Variants in NELL1 observed in about 807,000 individuals in gnomAD.
The protein encoded by NELL1 is protein kinase C-binding protein NELL1.
NELL1 carries 76 observed loss-of-function variants against 107.4 expected under a neutral mutation model. The ratio of observed to expected loss-of-function variants is 0.71; its 90% CI spans 0.59 to 0.86. NELL1 has a LOEUF of 0.86. Among genes scored for constraint, NELL1 ranks in the 40% least tolerant of loss-of-function variants. NELL1 has a pLI of 0.00. For missense variants in NELL1, 1,024 were observed against 1,005.5 expected (o/e 1.02, Z -0.25); for synonymous variants, 353 against 341.2 (o/e 1.03, Z -0.38).
At chr11:21,255,762 G>T (rs975482952) in intron 14 of NELL1, among the ~76,000 whole-genome samples, 2 of 151,860 alleles carry the variant, frequency 1.3e-5, no homozygotes, top group East Asian at 1.9e-4. Flanking sequence ...ATTCATTCAG[G>T]TCTCATTAGC....
At chr11:20,707,469 T>C (rs1340722792) in intron 2 of NELL1, among the ~76,000 whole-genome samples, 1 of 152,252 alleles carries the variant, frequency 6.6e-6, no homozygotes, top group Non-Finnish European at 1.5e-5. Flanking sequence ...TTTTCAGCTT[T>C]CCTTCTCTGG....
intron 14 of NELL1, among the ~76,000 whole-genome samples, chr11:21,288,104 GAGGAAGGAAGGAAGGGAAGGAATGAA>G (rs1849167770): frequency 6.6e-6 from 1 of 151,126 alleles, no homozygotes; most frequent in African/African-American, 2.4e-5. Context: ...GGGAAGGAAA[GAGGAAGGAAGGAAGGGAAGGAATGAA>G]AGGAAGGAAG....
At chr11:20,963,578 A>G (rs1192911680) in intron 12 of NELL1, among the ~76,000 whole-genome samples, 1 of 152,178 alleles carries the variant, frequency 6.6e-6, no homozygotes, top group Non-Finnish European at 1.5e-5. Context: ...ATGGTCATGC[A>G]GGCCATTTCC....
intron 12 of NELL1, among the ~76,000 whole-genome samples, chr11:21,011,513 T>A (rs1359578736): frequency 1.3e-5 from 2 of 152,074 alleles, no homozygotes; most frequent in Non-Finnish European, 2.9e-5. Flanking sequence ...CCTTTATACC[T>A]CCACCCGGCT....
intron 15 of NELL1, among the ~76,000 whole-genome samples, chr11:21,518,446 A>G (rs949248613): frequency 3.3e-5 from 5 of 152,218 alleles, no homozygotes; most frequent in African/African-American, 4.8e-5. Flanking sequence ...TAATATGAAT[A>G]ATGCAGACTA....
intron 14 of NELL1, among the ~76,000 whole-genome samples, chr11:21,356,854 C>G (rs1565184933): frequency 6.6e-6 from 1 of 152,070 alleles, no homozygotes; most frequent in Non-Finnish European, 1.5e-5. Flanking sequence ...ATTCTTAGGC[C>G]TTTCTGTCCT....
chr11:21,039,695 G>A (rs1345849570), intron 12 of NELL1, among the ~76,000 whole-genome samples: 2 of 152,156 alleles, frequency 1.3e-5, no homozygotes, highest in African/African-American at 2.4e-5. Context: ...ACAAAAAGGT[G>A]CAATAATATG....
chr11:20,943,945 T>C (rs1004176943), intron 10 of NELL1, among the ~76,000 whole-genome samples: 1 of 152,208 alleles, frequency 6.6e-6, no homozygotes, highest in African/African-American at 2.4e-5. Flanking sequence ...TAAAAGGCCA[T>C]GGAAGAGCTT....
At chr11:21,463,014 T>G (rs1452791692) in intron 15 of NELL1, among the ~76,000 whole-genome samples, 2 of 151,942 alleles carry the variant, frequency 1.3e-5, no homozygotes, top group Non-Finnish European at 2.9e-5. Flanking sequence ...TCAAAATAGG[T>G]TCCTTGAAAT....
chr11:21,050,276 C>G, intron 12 of NELL1, among the ~76,000 whole-genome samples: 1 of 133,904 alleles, frequency 7.5e-6, no homozygotes, highest in African/African-American at 3.2e-5. Context: ...TCCCCGCCCC[C>G]CACTTTTTTT....
chr11:21,169,606 T>C, intron 13 of NELL1: 1 of 345,930 alleles, frequency 2.9e-6, no homozygotes. Flanking sequence ...TGGAGCTTTA[T>C]TTTGCATGCA....
intron 15 of NELL1, among the ~76,000 whole-genome samples, chr11:21,448,150 A>G (rs1853486401): frequency 6.6e-6 from 1 of 151,110 alleles, no homozygotes. Flanking sequence ...GTACTAAGTT[A>G]AAATCAGGTA....
chr11:20,915,543 C>T (rs1050155149), intron 5 of NELL1, among the ~76,000 whole-genome samples: 1 of 150,886 alleles, frequency 6.6e-6, no homozygotes, highest in Non-Finnish European at 1.5e-5. Flanking sequence ...TCAGCTAATA[C>T]AGGCCCAGAT....
At chr11:21,534,833 T>C (rs1277627774) in intron 16 of NELL1, among the ~76,000 whole-genome samples, 1 of 152,074 alleles carries the variant, frequency 6.6e-6, no homozygotes, top group Non-Finnish European at 1.5e-5. Context: ...TTTTTGACAG[T>C]TTGGGAGGCA....
At chr11:20,884,191 G>A (rs770952139) in intron 4 of NELL1, among the ~76,000 whole-genome samples, 14 of 152,154 alleles carry the variant, frequency 9.2e-5, no homozygotes, top group Admixed American at 8.5e-4. Context: ...AGACTGCAGC[G>A]CGACAGCTCC....
chr11:20,861,523 G>T (rs1817864880), intron 4 of NELL1, among the ~76,000 whole-genome samples: 1 of 152,120 alleles, frequency 6.6e-6, no homozygotes, highest in South Asian at 2.1e-4. Context: ...TAGAAACAGG[G>T]CAGGGAGCCA....
At chr11:21,497,165 G>T (rs1855002673) in intron 15 of NELL1, among the ~76,000 whole-genome samples, 1 of 114,400 alleles carries the variant, frequency 8.7e-6, no homozygotes. Flanking sequence ...GCTGGGGTGG[G>T]GGGAGGGGGG....
At chr11:21,344,733 A>G (rs1013684027) in intron 14 of NELL1, among the ~76,000 whole-genome samples, 6 of 152,112 alleles carry the variant, frequency 3.9e-5, no homozygotes, top group Non-Finnish European at 1.5e-5. Context: ...TAGCCAACGC[A>G]TCGGTTTTTC....
chr11:20,825,145 A>G (rs1485777838), intron 3 of NELL1, among the ~76,000 whole-genome samples: 1 of 151,394 alleles, frequency 6.6e-6, no homozygotes, highest in African/African-American at 2.4e-5. Flanking sequence ...ACCTCTGCCT[A>G]GATTTCAGAG....
Sources: gnomAD v4.1 joint callset for allele counts (sites outside exome capture counted in the v4.1 genomes callset) on GRCh38, gnomAD v4.1.1 for gene constraint, MANE v1.5 for transcripts, NCBI Gene and HGNC (gene_info 2026-07-23, HGNC 2026-07-21) for gene names.